Variants in PRKD1 observed in about 807,000 individuals in gnomAD.
PRKD1 encodes the protein protein kinase D1.
In PRKD1, 63 loss-of-function variants were observed where a neutral mutation model predicts 95.9. The ratio of observed to expected loss-of-function variants is 0.66; its 90% CI spans 0.54 to 0.81. PRKD1 has a LOEUF of 0.81. Ranked by LOEUF, PRKD1 falls within the 30% of genes least tolerant of loss-of-function variation. PRKD1 has a pLI of 0.00. For missense variants in PRKD1, 1,048 were observed against 1,165.3 expected (o/e 0.90, Z 1.47); for synonymous variants, 425 against 423.1 (o/e 1.00, Z -0.05).
At chr14:29,648,451 T>A (rs1053004965) in intron 4 of PRKD1, among the ~76,000 whole-genome samples, 1 of 152,160 alleles carries the variant, frequency 6.6e-6, no homozygotes, top group African/African-American at 2.4e-5. Flanking sequence ...AAGGGAGAAT[T>A]AGACATCTTT....
At chr14:29,782,091 G>C (rs1390845427) in intron 1 of PRKD1, among the ~76,000 whole-genome samples, 1 of 152,150 alleles carries the variant, frequency 6.6e-6, no homozygotes, top group Non-Finnish European at 1.5e-5. Context: ...TCCTAAAACA[G>C]TGTATCATAA....
chr14:29,716,702 A>C (rs1035587229), intron 2 of PRKD1, among the ~76,000 whole-genome samples: 2 of 152,236 alleles, frequency 1.3e-5, no homozygotes, highest in Non-Finnish European at 2.9e-5. Context: ...TACTGAATAC[A>C]TCTCAGAAAG....
chr14:29,885,095 C>G (rs112513716), intron 1 of PRKD1, among the ~76,000 whole-genome samples: 6 of 150,190 alleles, frequency 4.0e-5, no homozygotes, highest in Non-Finnish European at 5.9e-5. Flanking sequence ...TGCACTCCCC[C>G]CTGGGCAACA....
Position 29,597,717 on chromosome 14 carries a change from C to T in PRKD1, c.2208G>A (p.Glu736=), listed in dbSNP as rs377604896. 2.5e-6 allele frequency: 4 copies of T among 1,613,476 alleles called. No individual in the cohort carries two copies. Among genetic ancestry groups the T allele is most frequent in the Middle Eastern group, 1.7e-4 (1 of 6,052 alleles). ...CCACCACTGACCTCCGGAAAGACTT[C>T]TCTCCAATGATCCGGGCAAAACCAA... ...CDFGFARIIG[E]KSFRRSVVGT... is the part of the protein sequence containing the mutation. Residue 736 remains glutamate (E), a synonymous_variant, in exon 16 of 18, where the codon GAG becomes GAA. Transcript: ENST00000331968.
intron 3 of PRKD1, among the ~76,000 whole-genome samples, 200 bp from the exon 4 acceptor site, chr14:29,664,059 C>T (rs530775966): frequency 1.3e-5 from 2 of 152,080 alleles, no homozygotes; most frequent in African/African-American, 4.8e-5. Context: ...TCTTATTGCA[C>T]AAGCTCAGGA....
chr14:29,746,808 T>G (rs1887244642), intron 1 of PRKD1, among the ~76,000 whole-genome samples: 1 of 152,198 alleles, frequency 6.6e-6, no homozygotes, highest in African/African-American at 2.4e-5. Flanking sequence ...AGAATATAAC[T>G]TCCTTTCTCA....
intron 2 of PRKD1, among the ~76,000 whole-genome samples, chr14:29,724,826 T>G (rs1041790357): frequency 6.6e-6 from 1 of 152,348 alleles, no homozygotes. Flanking sequence ...AAAATTTGGA[T>G]ACATTATCAT....
At chr14:29,655,865 T>C (rs1219361309) in intron 4 of PRKD1, among the ~76,000 whole-genome samples, 1 of 151,586 alleles carries the variant, frequency 6.6e-6, no homozygotes, top group Non-Finnish European at 1.5e-5. Flanking sequence ...AAAAGGTAAG[T>C]TCATGGGTGC....
chr14:29,577,539 T>TCCTTCC (rs1892600172), intron 17 of PRKD1, 83 bp from the exon 18 acceptor site: 2 of 1,319,326 alleles, frequency 1.5e-6, no homozygotes, highest in Non-Finnish European at 2.1e-6. Context: ...TTCTGCAATC[T>TCCTTCC]ATGAGTTACC....
intron 1 of PRKD1, among the ~76,000 whole-genome samples, chr14:29,782,921 A>G (rs1407070623): frequency 6.6e-6 from 1 of 152,224 alleles, no homozygotes; most frequent in Non-Finnish European, 1.5e-5. Flanking sequence ...GTACATATTT[A>G]TGATACAAGC....
chr14:29,885,803 C>CAAAAAAAA (rs1893682107), intron 1 of PRKD1, among the ~76,000 whole-genome samples: 1 of 45,028 alleles, frequency 2.2e-5, no homozygotes, highest in Non-Finnish European at 4.4e-5. Context: ...CCCATCTTTA[C>CAAAAAAAA]TAAAAAAAAA....
At chr14:29,826,758 CATATATATATACACATATATAT>C (rs1891171891) in intron 1 of PRKD1, among the ~76,000 whole-genome samples, 1 of 40,016 alleles carries the variant, frequency 2.5e-5, no homozygotes, top group Admixed American at 3.9e-4. Flanking sequence ...TATATATATA[CATATATATATACACATATATAT>C]ACATATATAC....
chr14:29,798,002 T>TTATGG (rs1456999435), intron 1 of PRKD1, among the ~76,000 whole-genome samples: 1 of 152,206 alleles, frequency 6.6e-6, no homozygotes, highest in African/African-American at 2.4e-5. Context: ...CATATAAATC[T>TTATGG]CACTACATAT....
At chr14:29,736,597 T>C (rs1449653129) in intron 1 of PRKD1, among the ~76,000 whole-genome samples, 1 of 152,188 alleles carries the variant, frequency 6.6e-6, no homozygotes, top group East Asian at 1.9e-4. Context: ...TCTCAGAGGC[T>C]TTGTGGTCGT....
chr14:29,842,725 T>A (rs1466411847), intron 1 of PRKD1, among the ~76,000 whole-genome samples: 1 of 152,194 alleles, frequency 6.6e-6, no homozygotes, highest in Non-Finnish European at 1.5e-5. Flanking sequence ...TAATTGTCCA[T>A]CAGTTGACAC....
At chr14:29,780,633 G>C (rs1888999825) in intron 1 of PRKD1, among the ~76,000 whole-genome samples, 1 of 152,174 alleles carries the variant, frequency 6.6e-6, no homozygotes, top group African/African-American at 2.4e-5. Flanking sequence ...AAAAAGTTAG[G>C]AAACAACAGG....
intron 1 of PRKD1, among the ~76,000 whole-genome samples, chr14:29,837,340 T>A (rs1891649022): frequency 6.6e-6 from 1 of 152,224 alleles, no homozygotes; most frequent in Non-Finnish European, 1.5e-5. Context: ...TTAAAAAATT[T>A]AACTTGGTTC....
intron 1 of PRKD1, among the ~76,000 whole-genome samples, chr14:29,864,559 C>T (rs924039337): frequency 1.3e-5 from 2 of 152,082 alleles, no homozygotes; most frequent in Non-Finnish European, 2.9e-5. Flanking sequence ...CCCCCTTCAT[C>T]ATCAGTGTGT....
intron 1 of PRKD1, among the ~76,000 whole-genome samples, chr14:29,826,700 C>CATATAT (rs1555348496): frequency 3.5e-5 from 1 of 28,722 alleles, no homozygotes; most frequent in African/African-American, 1.1e-4. Context: ...CATATATATA[C>CATATAT]ATATATACAC....
Sources: allele counts gnomAD v4.1 joint callset (sites outside exome capture counted in the v4.1 genomes callset), GRCh38; gene constraint gnomAD v4.1.1; transcripts MANE v1.5; gene names NCBI Gene and HGNC (gene_info 2026-07-23, HGNC 2026-07-21).